WDR72: variants seen among roughly 807,000 people sequenced by gnomAD.
WDR72 encodes the protein WD repeat-containing protein 72.
In WDR72, 120 loss-of-function variants were observed where a neutral mutation model predicts 124.2. The ratio of observed to expected loss-of-function variants is 0.97; its 90% CI spans 0.83 to 1.12. The LOEUF (loss-of-function observed/expected upper bound fraction) is 1.12, where lower values mean the gene tolerates loss of function less well. Among genes scored for constraint, WDR72 ranks in the 50% most tolerant of loss-of-function variants. The pLI, the probability that WDR72 is intolerant of heterozygous loss-of-function variation, is 0.00. For synonymous variants in WDR72, 452 were observed against 441.7 expected, an observed-to-expected ratio of 1.02 and a Z score of -0.29; for missense variants, 1,387 against 1,278.8, an observed-to-expected ratio of 1.08 and a Z score of -1.29.
intron 18 of WDR72, among the ~76,000 whole-genome samples, chr15:53,586,727 T>C (rs1024092613): frequency 1.3e-5 from 2 of 152,048 alleles, no homozygotes; most frequent in Admixed American, 1.3e-4. Flanking sequence ...AGTGAATGAA[T>C]AGGATAAGAA....
chr15:53,665,578 T>G lies in WDR72; in HGVS notation c.1956A>C (p.Ser652=). 6.2e-7 allele frequency: 1 copy of G among 1,613,808 alleles called. No homozygotes were observed. The highest frequency in any genetic ancestry group is 8.5e-7 in the Non-Finnish European group (1 of 1,179,798). The change falls in exon 14 of 20, where the codon TCA becomes TCC. Residue 652 remains serine, a synonymous_variant. Transcript: ENST00000360509. ...LPCPGLQVES[S]CKVTDAKFCP... ...CAGCTTGATTTGAACTTACCTTACATGAAGACTCCACCTGCAGACCAGGGC... is the reference window on the plus strand; with the variant it reads ...CAGCTTGATTTGAACTTACCTTACAGGAAGACTCCACCTGCAGACCAGGGC...
At chr15:53,610,347 C>A (rs551802021) in intron 16 of WDR72, among the ~76,000 whole-genome samples, 3 of 151,656 alleles carry the variant, frequency 2.0e-5, no homozygotes, top group African/African-American at 7.3e-5. Flanking sequence ...AATGAACAAT[C>A]GATGAGTTAA....
At chr15:53,629,098 C>A (rs1386871222) in intron 14 of WDR72, among the ~76,000 whole-genome samples, 2 of 152,028 alleles carry the variant, frequency 1.3e-5, no homozygotes, top group Non-Finnish European at 2.9e-5. Flanking sequence ...AATATTAATG[C>A]AGTCCAGGTA....
chr15:53,599,128 C>A (rs2012923913), intron 17 of WDR72, among the ~76,000 whole-genome samples: 1 of 151,784 alleles, frequency 6.6e-6, no homozygotes, highest in Admixed American at 6.6e-5. Context: ...TATATATATA[C>A]CACTTCTGAG....
At chr15:53,760,636 T>A (rs1378868424), upstream of WDR72, among the ~76,000 whole-genome samples, 1 of 152,226 alleles carries the variant, frequency 6.6e-6, no homozygotes, top group South Asian at 2.1e-4. Flanking sequence ...AGTGCTGCAA[T>A]AAACACAGGA....
chr15:53,630,061 A>G (rs1310238209), intron 14 of WDR72, among the ~76,000 whole-genome samples: 11 of 141,990 alleles, frequency 7.7e-5, no homozygotes, highest in Non-Finnish European at 1.5e-5. Flanking sequence ...AGTTTTTAAA[A>G]AGATCTCAGA....
intron 18 of WDR72, among the ~76,000 whole-genome samples, chr15:53,579,645 A>C (rs2011807837): frequency 6.6e-6 from 1 of 152,086 alleles, no homozygotes; most frequent in Admixed American, 6.6e-5. Context: ...GTGTGACTTT[A>C]AACAAGTCAT....
chr15:53,630,754 T>C (rs2014394178), intron 14 of WDR72, among the ~76,000 whole-genome samples: 1 of 152,168 alleles, frequency 6.6e-6, no homozygotes, highest in African/African-American at 2.4e-5. Flanking sequence ...CCTAACATAA[T>C]ACTTATGGTG....
chr15:53,541,346 A>G (rs1265962868), intron 18 of WDR72, among the ~76,000 whole-genome samples: 2 of 152,118 alleles, frequency 1.3e-5, no homozygotes, highest in Admixed American at 6.5e-5. Flanking sequence ...CTGACCCCCG[A>G]GCAGCCTAAC....
At chr15:53,538,568 T>C (rs1050640668) in intron 18 of WDR72, among the ~76,000 whole-genome samples, 1 of 152,184 alleles carries the variant, frequency 6.6e-6, no homozygotes, top group African/African-American at 2.4e-5. Context: ...TCATATAAAA[T>C]AACATCAAAA....
At chr15:53,717,421 C>A (rs2017744542) in intron 3 of WDR72, among the ~76,000 whole-genome samples, 1 of 151,938 alleles carries the variant, frequency 6.6e-6, no homozygotes, top group East Asian at 1.9e-4. Flanking sequence ...GTTTTATAGG[C>A]CTTAAAGGAG....
At chr15:53,569,401 G>A (rs1894423866) in intron 18 of WDR72, among the ~76,000 whole-genome samples, 1 of 152,020 alleles carries the variant, frequency 6.6e-6, no homozygotes, top group African/African-American at 2.4e-5. Context: ...ACAAGACTGT[G>A]GGAGAAAAAT....
intron 14 of WDR72, among the ~76,000 whole-genome samples, chr15:53,622,013 CAT>C (rs1408686315): frequency 1.3e-5 from 2 of 151,990 alleles, no homozygotes; most frequent in South Asian, 2.1e-4. Context: ...GGTCAATAAA[CAT>C]ATGAAAAAAG....
intron 14 of WDR72, among the ~76,000 whole-genome samples, chr15:53,651,642 T>TTTTG (rs531568254): frequency 3.6e-4 from 55 of 152,058 alleles, no homozygotes; most frequent in African/African-American, 6.3e-4. Context: ...AATCTATAGT[T>TTTTG]TTTGTTTGTT....
intron 18 of WDR72, among the ~76,000 whole-genome samples, chr15:53,557,897 A>G (rs1893987986): frequency 6.6e-6 from 1 of 152,052 alleles, no homozygotes; most frequent in Non-Finnish European, 1.5e-5. Context: ...CAGATTGAGG[A>G]GGTGAGATTC....
At chr15:53,746,667 G>A (rs2018651214) in intron 1 of WDR72, among the ~76,000 whole-genome samples, 1 of 152,058 alleles carries the variant, frequency 6.6e-6, no homozygotes, top group Admixed American at 6.5e-5. Context: ...GAGGGGCAAA[G>A]ATGAATTACT....
Position 53,665,570 on chromosome 15 carries a change from A to C in WDR72, c.1962+2T>G. Reference sequence around the variant, plus strand: ...GTGAACAACAGCTTGATTTGAACTTACCTTACATGAAGACTCCACCTGCAG... The same window carrying C: ...GTGAACAACAGCTTGATTTGAACTTCCCTTACATGAAGACTCCACCTGCAG... On this transcript the variant is annotated splice_donor_variant, in intron 14 of 19. Coordinates refer to ENST00000360509, the MANE Select transcript of WDR72 (RefSeq NM_182758.4). LOFTEE classifies it high-confidence loss of function. 1 of 1,613,736 alleles carries C rather than the reference A, an allele frequency of 6.2e-7. No individual in the cohort carries two copies. The highest frequency in any genetic ancestry group is 2.2e-5 in the East Asian group (1 of 44,870).
At chr15:53,703,964 C>T (rs565331588) in intron 11 of WDR72, among the ~76,000 whole-genome samples, 1 of 152,194 alleles carries the variant, frequency 6.6e-6, no homozygotes, top group Admixed American at 6.5e-5. Context: ...ACTGCTAGGT[C>T]TTTGCTTTTT....
chr15:53,554,272 A>G (rs1893845581), intron 18 of WDR72, among the ~76,000 whole-genome samples: 1 of 152,170 alleles, frequency 6.6e-6, no homozygotes, highest in Non-Finnish European at 1.5e-5. Context: ...TTGTAGTAAT[A>G]TCACACAGAT....
Sources: gnomAD v4.1 joint callset for allele counts (sites outside exome capture counted in the v4.1 genomes callset) on GRCh38, gnomAD v4.1.1 for gene constraint, MANE v1.5 for transcripts, NCBI Gene and HGNC (gene_info 2026-07-23, HGNC 2026-07-21) for gene names.